The following PLPPR1 variants were observed in gnomAD, a reference collection of about 807,000 sequenced individuals.
PLPPR1 encodes the protein phospholipid phosphatase-related protein type 1.
Under a neutral mutation model 33.1 loss-of-function variants are expected in PLPPR1, and 10 were observed. The ratio of observed to expected loss-of-function variants is 0.30; its 90% confidence interval spans 0.19 to 0.51. The LOEUF (loss-of-function observed/expected upper bound fraction) is 0.51. PLPPR1 is among the 20% of genes least tolerant of loss of function. The pLI is 0.97. For synonymous variants in PLPPR1, 151 were observed against 151.0 expected (o/e 1.00, Z 0.00); for missense variants, 304 against 408.1 (o/e 0.74, Z 2.20).
At chr9:101,204,216 A>C (rs1826548248) in intron 2 of PLPPR1, among the ~76,000 whole-genome samples, 1 of 152,202 alleles carries the variant, frequency 6.6e-6, no homozygotes, top group African/African-American at 2.4e-5. Flanking sequence ...AAGGGGTAGT[A>C]GCAACCAGCT....
intron 1 of PLPPR1, among the ~76,000 whole-genome samples, chr9:101,157,701 G>A (rs1270868329): frequency 6.6e-6 from 1 of 152,024 alleles, no homozygotes; most frequent in Admixed American, 6.6e-5. Flanking sequence ...CAGAAGTCAA[G>A]GTAAATGAAA....
chr9:101,314,314 C>A (rs12337836), intron 6 of PLPPR1, among the ~76,000 whole-genome samples: 8,647 of 152,254 alleles, frequency 0.057, 387 homozygotes, highest in East Asian at 0.12. Flanking sequence ...CCTTCCCTCC[C>A]CAATATGCAA....
At chr9:101,286,283 T>A (rs1397062331) in intron 4 of PLPPR1, 47 bp downstream of exon 4, 1 of 1,531,896 alleles carries the variant, frequency 6.5e-7, no homozygotes, top group Non-Finnish European at 8.9e-7. Flanking sequence ...AAAAGTAAAA[T>A]TACTAAAGGC....
intron 5 of PLPPR1, among the ~76,000 whole-genome samples, chr9:101,311,948 C>T (rs151180407): frequency 2.6e-5 from 4 of 152,318 alleles, no homozygotes; most frequent in Non-Finnish European, 5.9e-5. Flanking sequence ...GGCTTCCTAA[C>T]TCTAAACCAC....
intron 1 of PLPPR1, among the ~76,000 whole-genome samples, chr9:101,086,718 A>T (rs1830680968): frequency 6.6e-6 from 1 of 152,198 alleles, no homozygotes; most frequent in South Asian, 2.1e-4. Flanking sequence ...CAAAATCTAT[A>T]TACAAAATCT....
chr9:101,320,925 A>G (rs1251422402), intron 7 of PLPPR1, among the ~76,000 whole-genome samples: 1 of 152,184 alleles, frequency 6.6e-6, no homozygotes, highest in Non-Finnish European at 1.5e-5. Flanking sequence ...ACAGTCTGAG[A>G]TTTCATTCAA....
At chr9:101,302,983 T>G (rs1217662450) in intron 4 of PLPPR1, among the ~76,000 whole-genome samples, 1 of 152,188 alleles carries the variant, frequency 6.6e-6, no homozygotes, top group East Asian at 1.9e-4. Flanking sequence ...TTATTTTTGT[T>G]GTTATTTTGT....
At chr9:101,323,956 G>C in intron 7 of PLPPR1, 69 bp from the exon 8 acceptor site, 1 of 1,308,098 alleles carries the variant, frequency 7.6e-7, no homozygotes, top group Non-Finnish European at 1.1e-6. Flanking sequence ...GGAATATTTA[G>C]GGACAAGTGA....
chr9:101,151,857 C>T (rs1396826071), intron 1 of PLPPR1, among the ~76,000 whole-genome samples: 1 of 152,140 alleles, frequency 6.6e-6, no homozygotes, highest in Non-Finnish European at 1.5e-5. Flanking sequence ...GTCTAACTTG[C>T]CATTGGACTT....
intron 3 of PLPPR1, among the ~76,000 whole-genome samples, chr9:101,282,095 T>C (rs1828314380): frequency 6.6e-6 from 1 of 152,092 alleles, no homozygotes; most frequent in South Asian, 2.1e-4. Flanking sequence ...ATTCCCCTAA[T>C]ACCAAAGCCA....
intron 1 of PLPPR1, among the ~76,000 whole-genome samples, chr9:101,096,608 G>A (rs888348187): frequency 6.6e-6 from 1 of 152,144 alleles, no homozygotes; most frequent in African/African-American, 2.4e-5. Flanking sequence ...ATTTAAATGA[G>A]CGTTGTTAAC....
chr9:101,274,831 T>C (rs1339842358), intron 3 of PLPPR1, among the ~76,000 whole-genome samples: 1 of 152,178 alleles, frequency 6.6e-6, no homozygotes, highest in African/African-American at 2.4e-5. Flanking sequence ...CCCCAGTAAC[T>C]GTGTGACCTC....
chr9:101,083,049 C>T (rs1334154368), intron 1 of PLPPR1, among the ~76,000 whole-genome samples: 1 of 152,128 alleles, frequency 6.6e-6, no homozygotes, highest in Non-Finnish European at 1.5e-5. Context: ...GAGGCCCGGC[C>T]TTTTCTTTAG....
intron 1 of PLPPR1, among the ~76,000 whole-genome samples, chr9:101,171,395 G>T (rs1301798416): frequency 6.6e-6 from 1 of 152,108 alleles, no homozygotes; most frequent in Non-Finnish European, 1.5e-5. Flanking sequence ...TGGGTAGTTT[G>T]CAAAGATTTG....
intron 2 of PLPPR1, among the ~76,000 whole-genome samples, chr9:101,264,483 C>T (rs1827951035): frequency 6.6e-6 from 1 of 152,138 alleles, no homozygotes; most frequent in South Asian, 2.1e-4. Context: ...GCACCTGCAG[C>T]CACGCATAAC....
chr9:101,227,033 G>T (rs1485617618), intron 2 of PLPPR1, among the ~76,000 whole-genome samples: 1 of 152,096 alleles, frequency 6.6e-6, no homozygotes, highest in Non-Finnish European at 1.5e-5. Context: ...CCCAGCAAAG[G>T]TGCCTGTGCC....
intron 1 of PLPPR1, among the ~76,000 whole-genome samples, chr9:101,138,565 G>T (rs1267377004): frequency 6.6e-6 from 1 of 152,154 alleles, no homozygotes; most frequent in East Asian, 1.9e-4. Context: ...CAAGATACAA[G>T]ATTGGTCCTA....
chr9:101,065,955 C>T (rs1830407911), intron 1 of PLPPR1, among the ~76,000 whole-genome samples: 1 of 152,032 alleles, frequency 6.6e-6, no homozygotes, highest in East Asian at 1.9e-4. Context: ...AATTCATGAA[C>T]CAATATTGAT....
intron 4 of PLPPR1, among the ~76,000 whole-genome samples, chr9:101,291,967 A>G (rs1347011715): frequency 6.6e-6 from 1 of 152,226 alleles, no homozygotes; most frequent in Admixed American, 6.5e-5. Context: ...TTGAGAGAAG[A>G]AGGCTTCAGA....
Sources: gnomAD v4.1 joint callset for allele counts (sites outside exome capture counted in the v4.1 genomes callset) on GRCh38, gnomAD v4.1.1 for gene constraint, MANE v1.5 for transcripts, NCBI Gene and HGNC (gene_info 2026-07-23, HGNC 2026-07-21) for gene names.